PTPN6: variants seen among roughly 807,000 people sequenced by gnomAD.
The protein encoded by PTPN6 is protein tyrosine phosphatase non-receptor type 6.
In PTPN6, 18 loss-of-function variants were observed where a neutral mutation model predicts 81.5. The observed-to-expected ratio is 0.22, with a 90% CI of 0.15 to 0.33. The LOEUF (loss-of-function observed/expected upper bound fraction) is 0.33, where lower values mean the gene tolerates loss of function less well. Among genes scored for constraint, PTPN6 ranks in the 10% least tolerant of loss-of-function variants. The probability of loss-of-function intolerance (pLI) is 1.00; values close to 1 mark genes in which losing one functional copy is unlikely to be tolerated. For missense variants in PTPN6, 500 were observed against 794.2 expected, an observed-to-expected ratio of 0.63 and a Z score of 4.45; for synonymous variants, 301 against 310.9, an observed-to-expected ratio of 0.97 and a Z score of 0.33.
In PTPN6 at chr12:6,955,618, C is replaced by T. The variant is rs782305808; in HGVS notation, c.748-42C>T. On this transcript the variant is annotated intron_variant, in intron 6 of 15. Transcript: ENST00000318974. The surrounding 1 kb of genome is among the most constrained non-coding windows in gnomAD (Gnocchi z 7.2). ...CCACGTGAGCTCCCCCGATGGATGC[C>T]CTCTTTGGGAGCTGATGCTCATTTC... The T allele has an allele frequency of 9.4e-6, 15 of 1,598,302 alleles. No homozygotes were observed. In the African/African-American group the frequency reaches 9.4e-5, roughly 10 times the overall value.
Position 6,958,060 on chromosome 12 carries a change from A to G in PTPN6, c.1348A>G (p.Ile450Val), listed in dbSNP as rs1555149058. The G allele has an allele frequency of 1.7e-5, 27 of 1,611,850 alleles. No homozygotes were observed. Among genetic ancestry groups the G allele is most frequent in the Middle Eastern group, 1.6e-4 (1 of 6,062 alleles). ...AAGTCTGCCTCACGCAGGGCCCATC[A>G]TCGTGCACTGCAGGTGAGGATGATA... ...QESLPHAGPI[I>V]VHCSAGIGRT... is the part of the protein sequence containing the mutation. The change falls in exon 11 of 16, where the codon ATC (isoleucine) becomes GTC (valine). Residue 450 changes from isoleucine to valine, a missense_variant. This residue lies in a region of PTPN6 where 226 missense variants were observed against 364.4 expected (regional missense o/e 0.62). Transcript: ENST00000318974.
At position 6,951,737 on chromosome 12, in the gene PTPN6, T is replaced by A; in HGVS notation, c.131+6T>A. 6.2e-7 allele frequency: 1 copy of A among 1,611,300 alleles called. No homozygotes were observed. The highest frequency in any genetic ancestry group is 8.5e-7 in the Non-Finnish European group (1 of 1,179,988). On this transcript the variant is annotated splice_donor_region_variant and intron_variant, in intron 2 of 15. Coordinates refer to ENST00000318974, the MANE Select transcript of PTPN6 (RefSeq NM_002831.6). The surrounding 1 kb of genome is among the most constrained non-coding windows in gnomAD (Gnocchi z 7.2). ...GACTTCTCGCTCTCCGTCAGGTAGG[T>A]GGGCCCCCCGCAACCCCGGGCATTT...
chr12:6,950,953 A>G (rs1313590084), upstream of PTPN6, among the ~76,000 whole-genome samples: 1 of 152,202 alleles, frequency 6.6e-6, no homozygotes, highest in African/African-American at 2.4e-5. Context: ...TGTGAACGCC[A>G]TTATAGCACA....
In PTPN6 at chr12:6,955,010, G is replaced by A. The variant is rs781901138; in HGVS notation, c.516+16G>A. 19 of 1,613,788 alleles carry A rather than the reference G, an allele frequency of 1.2e-5. No individual in the cohort carries two copies. The highest frequency in any genetic ancestry group is 6.7e-5 in the Admixed American group (4 of 60,006). ...CATGTGCGAGGTAAGGCAGCCAGGC[G>A]GCGGGGGAGCCTCTGCTGAGGCTCC... On this transcript the variant is annotated intron_variant, in intron 4 of 15. Transcript: ENST00000318974. This position sits in a 1 kb window ranked among gnomAD's most constrained non-coding sequence, Gnocchi z 7.2.
rs782042492 is a variant in PTPN6 at position 6,951,718 on chromosome 12, T to A, written c.118T>A (p.Ser40Thr). Residue 40 changes from serine to threonine, a missense_variant, in exon 2 of 16, where the codon TCG becomes ACG. By Grantham distance (58) the Ser-to-Thr change is moderately conservative (BLOSUM62 1). Coordinates refer to ENST00000318974, the MANE Select transcript of PTPN6 (RefSeq NM_002831.6). The surrounding 1 kb of genome is among the most constrained non-coding windows in gnomAD (Gnocchi z 7.2). ...CAGTCGCAAGAACCAGGGTGACTTC[T>A]CGCTCTCCGTCAGGTAGGTGGGCCC... The part of the protein sequence containing the change: ...RPSRKNQGDF[S>T]LSVRVGDQVT... 1 of 1,612,774 alleles carries A rather than the reference T, an allele frequency of 6.2e-7. No individual in the cohort carries two copies. Among genetic ancestry groups the A allele is most frequent in the Admixed American group, 1.7e-5 (1 of 60,022 alleles).
chr12:6,951,078 T>G (rs1555147615), upstream of PTPN6, among the ~76,000 whole-genome samples: 1 of 152,176 alleles, frequency 6.6e-6, no homozygotes, highest in East Asian at 1.9e-4. This position sits in a 1 kb window ranked among gnomAD's most constrained non-coding sequence, Gnocchi z 7.2. Flanking sequence ...AGAGATGCCG[T>G]GGGACCGTCT....
In PTPN6 at chr12:6,956,397, G is replaced by A. The variant is rs782618352; in HGVS notation, c.925-22G>A. ...CAAGGGGCTCACTGTCTTGGGGTGC[G>A]TCTCTCCACGCTTGCGTCCAGAACC... On this transcript the variant is annotated intron_variant, in intron 8 of 15. Coordinates refer to ENST00000318974, the MANE Select transcript of PTPN6 (RefSeq NM_002831.6). This position sits in a 1 kb window ranked among gnomAD's most constrained non-coding sequence, Gnocchi z 4.1. 4.8e-5 allele frequency: 77 copies of A among 1,614,022 alleles called. No homozygotes were observed. The East Asian group carries it at 1.1e-3, about 22-fold the overall frequency.
upstream of PTPN6, among the ~76,000 whole-genome samples, chr12:6,947,252 G>A (rs2138248290): frequency 6.6e-6 from 1 of 152,294 alleles, no homozygotes; most frequent in Admixed American, 6.5e-5. Flanking sequence ...TGGTAATACT[G>A]GAGTGAACAA....
At position 6,955,768 on chromosome 12, in the gene PTPN6, G is replaced by C; in HGVS notation, c.844+12G>C. 5 of 1,612,836 alleles carry C rather than the reference G, an allele frequency of 3.1e-6. No homozygotes were observed. In the South Asian group the frequency reaches 5.5e-5, roughly 18 times the overall value. ...GAACATTCTCCCCTGTGAGCACCCA[G>C]GCTGCCCCATTCACCCAGGATACCG... is the stretch of plus-strand genomic sequence containing the variant. On this transcript the variant is annotated intron_variant, in intron 7 of 15. Transcript: ENST00000318974. This position sits in a 1 kb window ranked among gnomAD's most constrained non-coding sequence, Gnocchi z 7.2.
rs961767103 is a variant in PTPN6 at position 6,956,720 on chromosome 12, A to T, written c.1074+152A>T. 16 of 1,030,932 alleles carry T rather than the reference A, an allele frequency of 1.6e-5. No homozygotes were observed. Among genetic ancestry groups the T allele is most frequent in the Non-Finnish European group, 2.0e-5 (14 of 701,824 alleles). 63.9% of individuals were successfully genotyped at this position (1,030,932 alleles called of 1,614,324 possible). Reference sequence around the variant, plus strand: ...GAGGGCTAGTGACAAAGTCTCGACTACACAACGTGACCCCCAGATCCCTGC... The same window carrying T: ...GAGGGCTAGTGACAAAGTCTCGACTTCACAACGTGACCCCCAGATCCCTGC... On this transcript the variant is annotated intron_variant, in intron 9 of 15. Coordinates refer to ENST00000318974, the MANE Select transcript of PTPN6 (RefSeq NM_002831.6). The surrounding 1 kb of genome is among the most constrained non-coding windows in gnomAD (Gnocchi z 4.1).
At position 6,956,087 on chromosome 12, in the gene PTPN6, G is replaced by T; in HGVS notation, c.845-55G>T. ...TAGCTCAGGAGGGTCTGACCCAGGT[G>T]TGGTGAGTCCCTGGCTAACCCAGAC... On this transcript the variant is annotated intron_variant, in intron 7 of 15. Coordinates refer to ENST00000318974, the MANE Select transcript of PTPN6 (RefSeq NM_002831.6). This position sits in a 1 kb window ranked among gnomAD's most constrained non-coding sequence, Gnocchi z 4.1. 1 of 1,562,144 alleles carries T rather than the reference G, an allele frequency of 6.4e-7. No homozygotes were observed. The highest frequency in any genetic ancestry group is 8.8e-7 in the Non-Finnish European group (1 of 1,133,006).
chr12:6,950,950 G>C (rs1555147607), upstream of PTPN6, among the ~76,000 whole-genome samples: 3 of 152,178 alleles, frequency 2.0e-5, no homozygotes. Flanking sequence ...GCATGTGAAC[G>C]CCATTATAGC....
Position 6,959,029 on chromosome 12 carries a change from G to A in PTPN6, c.1362-898G>A, listed in dbSNP as rs1025647283. Among the ~76,000 whole-genome samples, 2 of 152,172 alleles carry A rather than the reference G, an allele frequency of 1.3e-5. No homozygotes were observed. Among genetic ancestry groups the A allele is most frequent in the African/African-American group, 2.4e-5 (1 of 41,440 alleles). ...GCCCCGGTCCCTTCCCACTCCCTCC[G>A]TGGACCCCAGGCCTGCGACGGCCTC... is the stretch of plus-strand genomic sequence containing the variant. On this transcript the variant is annotated intron_variant, in intron 11 of 15. Coordinates refer to ENST00000318974, the MANE Select transcript of PTPN6 (RefSeq NM_002831.6). This position sits in a 1 kb window ranked among gnomAD's most constrained non-coding sequence, Gnocchi z 6.6.
chr12:6,951,182 G>A, upstream of PTPN6: 1 of 1,337,424 alleles, frequency 7.5e-7, no homozygotes, highest in Non-Finnish European at 9.8e-7. This position sits in a 1 kb window ranked among gnomAD's most constrained non-coding sequence, Gnocchi z 7.2. Flanking sequence ...GCAATGCCAT[G>A]CTCCTGAGCC....
rs782146589 is a variant in PTPN6 at position 6,955,646 on chromosome 12, C to A, written c.748-14C>A. ...CTTTGGGAGCTGATGCTCATTTCCC[C>A]ACCCACATCTCAGAGTTTGCAGAAG... On this transcript the variant is annotated splice_polypyrimidine_tract_variant and intron_variant, in intron 6 of 15. Coordinates refer to ENST00000318974, the MANE Select transcript of PTPN6 (RefSeq NM_002831.6). This position sits in a 1 kb window ranked among gnomAD's most constrained non-coding sequence, Gnocchi z 7.2. The A allele has an allele frequency of 4.3e-6, 7 of 1,612,850 alleles. No individual in the cohort carries two copies. Among genetic ancestry groups the A allele is most frequent in the Middle Eastern group, 1.7e-4 (1 of 6,054 alleles).
rs782595592 is a variant in PTPN6 at position 6,956,189 on chromosome 12, G to T, written c.892G>T (p.Gly298Trp). The change falls in exon 8 of 16, where the codon GGG becomes TGG. Residue 298 changes from glycine (G) to tryptophan (W), a missense_variant. Gly to Trp is a radical substitution (Grantham distance 184). Coordinates refer to ENST00000318974, the MANE Select transcript of PTPN6 (RefSeq NM_002831.6). The surrounding 1 kb of genome is among the most constrained non-coding windows in gnomAD (Gnocchi z 4.1). ...GCAGGGACGGGACAGTAACATCCCCGGGTCCGACTACATCAATGCCAACTA... is the reference window on the plus strand; with the variant it reads ...GCAGGGACGGGACAGTAACATCCCCTGGTCCGACTACATCAATGCCAACTA... ...ILQGRDSNIP[G>W]SDYINANYIK... 1 of 1,614,174 alleles carries T rather than the reference G, an allele frequency of 6.2e-7. No individual in the cohort carries two copies. Among genetic ancestry groups the T allele is most frequent in the Non-Finnish European group, 8.5e-7 (1 of 1,180,032 alleles).
chr12:6,961,009 C>A, intron 15 of PTPN6, 64 bp downstream of exon 15: 1 of 1,545,626 alleles, frequency 6.5e-7, no homozygotes, highest in East Asian at 2.4e-5. Flanking sequence ...CACTGCCTTC[C>A]CTGGGTGGAT....
At position 6,956,581 on chromosome 12, in the gene PTPN6, C is replaced by A; in HGVS notation, c.1074+13C>A. On this transcript the variant is annotated intron_variant, in intron 9 of 15. Transcript: ENST00000318974. The surrounding 1 kb of genome is among the most constrained non-coding windows in gnomAD (Gnocchi z 4.1). The stretch of plus-strand genomic sequence containing the variant: ...GGAGAAAGGCCGGGTAGGGCGCCCC[C>A]CCTTCCCCGCATCCGCCCCCGTGCT... The A allele has an allele frequency of 6.2e-7, 1 of 1,613,244 alleles. No individual in the cohort carries two copies. Among genetic ancestry groups the A allele is most frequent in the Non-Finnish European group, 8.5e-7 (1 of 1,179,960 alleles).
rs1945921578 is a variant in PTPN6, at chr12:6,951,411, C to T, written c.-102C>T. 1.3e-6 allele frequency: 2 copies of T among 1,557,696 alleles called. No individual in the cohort carries two copies. Among genetic ancestry groups the T allele is most frequent in the Non-Finnish European group, 1.7e-6 (2 of 1,151,646 alleles). On this transcript the variant is annotated 5_prime_UTR_variant, in exon 1 of 16. Coordinates refer to ENST00000318974, the MANE Select transcript of PTPN6 (RefSeq NM_002831.6). This position sits in a 1 kb window ranked among gnomAD's most constrained non-coding sequence, Gnocchi z 7.2. Reference sequence around the variant, plus strand: ...CCGGGGGTGGTGAGGCGGCCCGGCACTGGGAGCTGCATCTGAGGCTTAGTC... The same window carrying T: ...CCGGGGGTGGTGAGGCGGCCCGGCATTGGGAGCTGCATCTGAGGCTTAGTC...
Sources: gnomAD v4.1 joint callset for allele counts (sites outside exome capture counted in the v4.1 genomes callset) on GRCh38, gnomAD v4.1.1 for gene constraint, gnomAD v4.1.1 regional missense constraint, Gnocchi (gnomAD v3.1) non-coding constraint, MANE v1.5 for transcripts, NCBI Gene and HGNC (gene_info 2026-07-23, HGNC 2026-07-21) for gene names.